Variants in ANKS1B observed in about 807,000 individuals in gnomAD.
ANKS1B encodes the protein ankyrin repeat and sterile alpha motif domain containing 1B.
Under a neutral mutation model 148.3 loss-of-function variants are expected in ANKS1B, and 36 were observed. That is an observed-to-expected ratio of 0.24 (90% confidence interval 0.19 to 0.32). The LOEUF (loss-of-function observed/expected upper bound fraction) is 0.32, where lower values mean the gene tolerates loss of function less well. ANKS1B is among the 10% of genes least tolerant of loss of function. The pLI is 1.00. For synonymous variants in ANKS1B, 542 were observed against 560.8 expected (o/e 0.97, Z 0.47); for missense variants, 1,157 against 1,542.6 (o/e 0.75, Z 4.19).
chr12:99,773,314 A>C (rs1256237778), intron 7 of ANKS1B, among the ~76,000 whole-genome samples: 1 of 152,170 alleles, frequency 6.6e-6, no homozygotes, highest in Non-Finnish European at 1.5e-5. Context: ...TCAAAATAGA[A>C]ATAATTATTG....
intron 18 of ANKS1B, among the ~76,000 whole-genome samples, chr12:98,830,794 T>C (rs1004685677): frequency 6.6e-6 from 1 of 152,108 alleles, no homozygotes; most frequent in African/African-American, 2.4e-5. Context: ...TGAACACCAG[T>C]GACTGCCGGC....
intron 14 of ANKS1B, among the ~76,000 whole-genome samples, chr12:99,181,830 GTATAATTAAATT>G (rs2079153673): frequency 1.3e-5 from 2 of 151,588 alleles, no homozygotes; most frequent in African/African-American, 4.8e-5. Flanking sequence ...ATTTTTAAAT[GTATAATTAAATT>G]ATTATATTTA....
At chr12:99,430,230 T>C (rs769393113) in intron 11 of ANKS1B, among the ~76,000 whole-genome samples, 1 of 152,092 alleles carries the variant, frequency 6.6e-6, no homozygotes, top group Non-Finnish European at 1.5e-5. Context: ...GAAGCCATGA[T>C]GGGAGCTATT....
intron 12 of ANKS1B, among the ~76,000 whole-genome samples, chr12:99,304,668 T>C (rs1425052855): frequency 6.6e-6 from 1 of 152,132 alleles, no homozygotes; most frequent in Non-Finnish European, 1.5e-5. Flanking sequence ...CCTGAACTCA[T>C]ATATCAGTAA....
At chr12:99,199,293 T>C (rs984149710) in intron 14 of ANKS1B, among the ~76,000 whole-genome samples, 2 of 152,214 alleles carry the variant, frequency 1.3e-5, no homozygotes, top group African/African-American at 4.8e-5. Context: ...CATGCAGCAA[T>C]AGATAACTAG....
At chr12:98,926,448 A>C (rs752309908) in intron 17 of ANKS1B, among the ~76,000 whole-genome samples, 3 of 152,176 alleles carry the variant, frequency 2.0e-5, no homozygotes, top group African/African-American at 4.8e-5. Context: ...TTGCCACACT[A>C]TATTCCTTAA....
At position 99,304,242 on chromosome 12, in the gene ANKS1B, G is replaced by A. The variant is rs1207843592; in HGVS notation, c.1757-57378C>T. ...TTACATTCCCACCAGCAGTGTAGAA[G>A]TGTTCCCTTTTCACCACATCCATGC... On this transcript the variant is annotated intron_variant, in intron 12 of 26. Coordinates refer to ENST00000683438, the MANE Select transcript of ANKS1B (RefSeq NM_001352186.2). Among the ~76,000 whole-genome samples, 5 of 152,228 alleles carry A rather than the reference G, an allele frequency of 3.3e-5. No individual in the cohort carries two copies. In the South Asian group the frequency reaches 1.0e-3, roughly 32 times the overall value.
chr12:99,733,839 A>G (rs141938277), intron 8 of ANKS1B, among the ~76,000 whole-genome samples: 94 of 152,284 alleles, frequency 6.2e-4, no homozygotes, highest in African/African-American at 2.2e-3. Flanking sequence ...TAACCTGCCC[A>G]TCTTCATACC....
At chr12:99,170,847 A>T (rs944889695) in intron 14 of ANKS1B, among the ~76,000 whole-genome samples, 1 of 152,204 alleles carries the variant, frequency 6.6e-6, no homozygotes, top group Non-Finnish European at 1.5e-5. Flanking sequence ...AAAGAGAAAA[A>T]GCAATGTGGG....
intron 11 of ANKS1B, among the ~76,000 whole-genome samples, chr12:99,411,162 C>T (rs535782338): frequency 6.6e-6 from 1 of 152,268 alleles, no homozygotes; most frequent in African/African-American, 2.4e-5. Context: ...GTTCAATTTT[C>T]CCATAAACCG....
chr12:99,039,222 C>A (rs573408382), intron 17 of ANKS1B, among the ~76,000 whole-genome samples: 1 of 152,196 alleles, frequency 6.6e-6, no homozygotes, highest in African/African-American at 2.4e-5. Context: ...AGCATTTTAC[C>A]GGACATGCCA....
intron 10 of ANKS1B, among the ~76,000 whole-genome samples, chr12:99,462,030 T>C (rs114506637): frequency 1.4e-3 from 218 of 152,324 alleles, no homozygotes; most frequent in African/African-American, 4.8e-3. Flanking sequence ...TTAGACACAA[T>C]GGCCCATCAC....
intron 8 of ANKS1B, among the ~76,000 whole-genome samples, chr12:99,669,536 A>G (rs2098526471): frequency 6.6e-6 from 1 of 152,056 alleles, no homozygotes; most frequent in Admixed American, 6.6e-5. Flanking sequence ...TGAATGTGCC[A>G]TGTATTAAGC....
At chr12:99,321,736 TG>T (rs1384008963) in intron 12 of ANKS1B, among the ~76,000 whole-genome samples, 1 of 152,180 alleles carries the variant, frequency 6.6e-6, no homozygotes, top group Non-Finnish European at 1.5e-5. Context: ...GTGCCTCAGA[TG>T]GAAATGCAGA....
intron 8 of ANKS1B, among the ~76,000 whole-genome samples, chr12:99,700,958 T>C (rs1026355654): frequency 3.3e-5 from 5 of 152,180 alleles, no homozygotes; most frequent in Non-Finnish European, 7.4e-5. Context: ...ACTTGTAATA[T>C]CTTGTAAGGA....
intron 8 of ANKS1B, among the ~76,000 whole-genome samples, chr12:99,660,363 C>CTTTTTTTTTTTTTTTTTTTTTTTTTTT (rs71088137): frequency 8.3e-6 from 1 of 120,596 alleles, no homozygotes; most frequent in Non-Finnish European, 1.7e-5. Context: ...TTTTCTTTTT[C>CTTTTTTTTTTTTTTTTTTTTTTTTTTT]TTTTTTTTTT....
intron 12 of ANKS1B, among the ~76,000 whole-genome samples, chr12:99,345,238 C>T (rs1339689778): frequency 6.6e-6 from 1 of 152,028 alleles, no homozygotes; most frequent in Non-Finnish European, 1.5e-5. Flanking sequence ...GAGTCTGAAT[C>T]GTCAGTGGAC....
intron 17 of ANKS1B, among the ~76,000 whole-genome samples, chr12:99,013,363 T>A (rs963523352): frequency 6.6e-6 from 1 of 152,068 alleles, no homozygotes; most frequent in African/African-American, 2.4e-5. Context: ...CAACATAATA[T>A]GGGAAGTAGA....
intron 12 of ANKS1B, among the ~76,000 whole-genome samples, chr12:99,383,629 C>T (rs767795215): frequency 1.7e-4 from 26 of 152,218 alleles, no homozygotes; most frequent in Admixed American, 5.2e-4. Flanking sequence ...AGGTCTTCCC[C>T]GATGCCCTTG....
Sources: gnomAD v4.1 joint callset for allele counts (sites outside exome capture counted in the v4.1 genomes callset) on GRCh38, gnomAD v4.1.1 for gene constraint, MANE v1.5 for transcripts, NCBI Gene and HGNC (gene_info 2026-07-23, HGNC 2026-07-21) for gene names.